ZZZ3: variants seen among roughly 807,000 people sequenced by gnomAD.
The protein encoded by ZZZ3 is zinc finger ZZ-type containing 3, also known as ZZ-type zinc finger-containing protein 3.
In ZZZ3, 22 loss-of-function variants were observed where a neutral mutation model predicts 95.2. That is an observed-to-expected ratio of 0.23 (90% confidence interval 0.17 to 0.33). The LOEUF (loss-of-function observed/expected upper bound fraction) is 0.33. Among genes scored for constraint, ZZZ3 ranks in the 10% least tolerant of loss-of-function variants. The pLI is 1.00. For synonymous variants in ZZZ3, 335 were observed against 358.9 expected (o/e 0.93, Z 0.75); for missense variants, 885 against 1,066.5 (o/e 0.83, Z 2.37).
At chr1:77,594,661 G>A (rs2100637809) in intron 5 of ZZZ3, among the ~76,000 whole-genome samples, 1 of 151,880 alleles carries the variant, frequency 6.6e-6, no homozygotes, top group South Asian at 2.1e-4. Context: ...TATGCTAAAG[G>A]AACATACAAG....
intron 1 of ZZZ3, among the ~76,000 whole-genome samples, chr1:77,668,589 G>C (rs1306907814): frequency 1.3e-5 from 2 of 148,930 alleles, no homozygotes; most frequent in African/African-American, 2.5e-5. Flanking sequence ...TAAAATTATA[G>C]AGCTCATATG....
chr1:77,654,937 C>T (rs909537213), intron 1 of ZZZ3, among the ~76,000 whole-genome samples: 1 of 152,126 alleles, frequency 6.6e-6, no homozygotes, highest in Non-Finnish European at 1.5e-5. Flanking sequence ...GTATAAGCCA[C>T]CACACCGAGC....
At chr1:77,672,158 A>T (rs1361633968) in intron 1 of ZZZ3, among the ~76,000 whole-genome samples, 1 of 152,206 alleles carries the variant, frequency 6.6e-6, no homozygotes, top group African/African-American at 2.4e-5. Context: ...CTACTGTAAA[A>T]TGAGATTCTG....
chr1:77,590,188 C>CA (rs1663536350), intron 5 of ZZZ3, among the ~76,000 whole-genome samples: 1 of 152,326 alleles, frequency 6.6e-6, no homozygotes, highest in Non-Finnish European at 1.5e-5. Flanking sequence ...GCCTGGCCAA[C>CA]ATGGTGAAGC....
Position 77,632,505 on chromosome 1 carries a change from T to C in ZZZ3, c.850A>G (p.Thr284Ala), listed in dbSNP as rs780984605. ...QVKLEDHKIV[T>A]ACLPVEHVNQ... ...ACATGTTCCACAGGCAAGCAGGCAG[T>C]TACTATTTTGTGGTCCTCCAACTTG... The change falls in exon 5 of 15, where the codon ACT becomes GCT. Residue 284 changes from threonine (T) to alanine (A), a missense_variant. Around this residue, in one of 5 missense-constraint regions of ZZZ3, gnomAD observed 556 missense variants for 652.9 expected, o/e 0.85. Coordinates refer to ENST00000370801, the MANE Select transcript of ZZZ3 (RefSeq NM_015534.6). The C allele has an allele frequency of 7.1e-5, 115 of 1,614,042 alleles. No homozygotes were observed. The Admixed American group carries it at 1.9e-3, about 26-fold the overall frequency.
intron 1 of ZZZ3, among the ~76,000 whole-genome samples, chr1:77,667,500 G>A (rs531849810): frequency 2.5e-4 from 38 of 151,950 alleles, no homozygotes; most frequent in African/African-American, 9.2e-4. Context: ...CTTCTTTATT[G>A]ACTAGTCCTT....
At chr1:77,576,731 G>C (rs1382390807) in intron 11 of ZZZ3, among the ~76,000 whole-genome samples, 1 of 150,640 alleles carries the variant, frequency 6.6e-6, no homozygotes, top group Non-Finnish European at 1.5e-5. Flanking sequence ...GAATTGTCTT[G>C]GGCCACACAT....
chr1:77,671,834 C>G (rs1671813741), intron 1 of ZZZ3, among the ~76,000 whole-genome samples: 1 of 152,122 alleles, frequency 6.6e-6, no homozygotes, highest in South Asian at 2.1e-4. Flanking sequence ...CTCCCCACAT[C>G]CACAAGCGAT....
At chr1:77,577,168 T>C (rs1415006850) in intron 11 of ZZZ3, among the ~76,000 whole-genome samples, 1 of 152,134 alleles carries the variant, frequency 6.6e-6, no homozygotes, top group Non-Finnish European at 1.5e-5. Context: ...TGTTTCCAAA[T>C]TTAAACTCTA....
At chr1:77,571,499 T>C (rs144774956) in intron 12 of ZZZ3, among the ~76,000 whole-genome samples, 29 of 152,312 alleles carry the variant, frequency 1.9e-4, no homozygotes, top group African/African-American at 6.3e-4. Flanking sequence ...ACAGTAGCAT[T>C]ATTCACAATA....
intron 1 of ZZZ3, among the ~76,000 whole-genome samples, chr1:77,651,958 G>A (rs1395775597): frequency 6.6e-6 from 1 of 150,840 alleles, no homozygotes; most frequent in Non-Finnish European, 1.5e-5. Context: ...AGAGACTGCA[G>A]TGAGCCAAGA....
chr1:77,635,855 G>A (rs925391601), intron 4 of ZZZ3, among the ~76,000 whole-genome samples: 10 of 152,032 alleles, frequency 6.6e-5, no homozygotes, highest in Admixed American at 2.6e-4. Flanking sequence ...GCAGTGAGCC[G>A]AGATCGCGCC....
chr1:77,589,081 C>G (rs535659996), intron 5 of ZZZ3, among the ~76,000 whole-genome samples: 2 of 152,094 alleles, frequency 1.3e-5, no homozygotes, highest in African/African-American at 2.4e-5. Context: ...CTTGCTGTGT[C>G]GCCCAGGCTG....
In ZZZ3 at chr1:77,583,259, G is replaced by A. The variant is rs532293312; in HGVS notation, c.1645-1133C>T. On this transcript the variant is annotated intron_variant, in intron 6 of 14. Coordinates refer to ENST00000370801, the MANE Select transcript of ZZZ3 (RefSeq NM_015534.6). ...GGAAAGTAAATGAAATGAAATTAAG[G>A]TTAACAAATTTTTCATTAGTAAAGT... Among the ~76,000 whole-genome samples, 15 of 152,106 alleles carry A rather than the reference G, an allele frequency of 9.9e-5. No homozygotes were observed. In the South Asian group the frequency reaches 2.9e-3, roughly 30 times the overall value.
chr1:77,625,387 G>C (rs1667243322), intron 5 of ZZZ3, among the ~76,000 whole-genome samples: 1 of 151,920 alleles, frequency 6.6e-6, no homozygotes, highest in African/African-American at 2.4e-5. Context: ...AATCACTAAA[G>C]AATCATGAGA....
Position 77,676,277 on chromosome 1 carries a change from CCACCT to C in ZZZ3, c.-403+6303_-403+6307del, listed in dbSNP as rs1672260942. On this transcript the variant is annotated intron_variant, in intron 1 of 14. Transcript: ENST00000370801. Reference sequence around the variant, plus strand: ...AATCTTTTGGGGTCAAGTGATCCTTCCACCTCATCCTCCACAGTAGCTGAAAGTAC... The same window carrying C: ...AATCTTTTGGGGTCAAGTGATCCTTCCATCCTCCACAGTAGCTGAAAGTAC... 1.3e-5 allele frequency among the ~76,000 whole-genome samples: 2 copies of C among 152,300 alleles called. 1 individual carries two copies. The highest frequency in any genetic ancestry group is 4.1e-4 in the South Asian group (2 of 4,828).
At chr1:77,682,248 C>G (rs1431697086) in intron 1 of ZZZ3, among the ~76,000 whole-genome samples, 2 of 152,094 alleles carry the variant, frequency 1.3e-5, no homozygotes, top group African/African-American at 4.8e-5. Context: ...AATAGTTAAC[C>G]GGTCTGGAAT....
In ZZZ3 at chr1:77,639,564, G is replaced by T; in HGVS notation, c.-167C>A. ...AGCATCAGGGTTTCAGACTCTCTCA[G>T]CTTCAGCCATGAAGAATACTAGAAC... is the stretch of plus-strand genomic sequence containing the variant. On this transcript the variant is annotated 5_prime_UTR_variant, in exon 4 of 15. The change creates a new upstream start codon in the 5' untranslated region. Transcript: ENST00000370801. 1 of 960,598 alleles carries T rather than the reference G, an allele frequency of 1.0e-6. No homozygotes were observed. Among genetic ancestry groups the T allele is most frequent in the South Asian group, 2.7e-5 (1 of 37,688 alleles). The allele number at this position is 960,598 out of a possible 1,614,324, so 59.5% of individuals were successfully genotyped here.
intron 5 of ZZZ3, among the ~76,000 whole-genome samples, chr1:77,602,843 A>T (rs1407040578): frequency 2.0e-5 from 3 of 151,856 alleles, no homozygotes; most frequent in Admixed American, 6.6e-5. Context: ...TGACCTCGTG[A>T]TCTGCCCACC....
Sources: gnomAD v4.1 joint callset for allele counts (sites outside exome capture counted in the v4.1 genomes callset) on GRCh38, gnomAD v4.1.1 for gene constraint, gnomAD v4.1.1 regional missense constraint, MANE v1.5 for transcripts, NCBI Gene and HGNC (gene_info 2026-07-23, HGNC 2026-07-21) for gene names.